The following ADAMTS6 variants were observed in gnomAD, a reference collection of about 807,000 sequenced individuals.
ADAMTS6 encodes the protein A disintegrin and metalloproteinase with thrombospondin motifs 6.
ADAMTS6 carries 23 observed loss-of-function variants against 144.3 expected under a neutral mutation model. The observed-to-expected ratio is 0.16, with a 90% CI of 0.11 to 0.23. The LOEUF (loss-of-function observed/expected upper bound fraction) is 0.23. ADAMTS6 is among the 10% of genes least tolerant of loss of function. ADAMTS6 has a pLI of 1.00. For missense variants in ADAMTS6, 999 were observed against 1,379.6 expected (o/e 0.72, Z 4.37); for synonymous variants, 444 against 457.5 (o/e 0.97, Z 0.38).
rs189247176 is a variant in ADAMTS6 at position 65,224,192 on chromosome 5, A to G, written c.2272+128T>C. On this transcript the variant is annotated intron_variant, in intron 18 of 24. Coordinates refer to ENST00000381055, the MANE Select transcript of ADAMTS6 (RefSeq NM_197941.4). ...ATTGTATATGTGTTCTATAAAACTTAGAGCTTACTTCATTTTAGCATGAAA... is the reference window on the plus strand; with the variant it reads ...ATTGTATATGTGTTCTATAAAACTTGGAGCTTACTTCATTTTAGCATGAAA... 20 of 733,130 alleles carry G rather than the reference A, an allele frequency of 2.7e-5. No homozygotes were observed. The East Asian group carries it at 5.3e-4, about 19-fold the overall frequency. 45.4% of individuals were successfully genotyped at this position (733,130 alleles called of 1,614,324 possible).
At chr5:65,262,454 G>C (rs1375931046) in intron 13 of ADAMTS6, among the ~76,000 whole-genome samples, 5 of 152,128 alleles carry the variant, frequency 3.3e-5, no homozygotes, top group African/African-American at 1.2e-4. Flanking sequence ...CATGTGAAAA[G>C]ACCTTAGGTT....
chr5:65,178,563 T>C (rs887680934), intron 22 of ADAMTS6, among the ~76,000 whole-genome samples: 1 of 152,200 alleles, frequency 6.6e-6, no homozygotes, highest in Non-Finnish European at 1.5e-5. Flanking sequence ...AAATGGCAGC[T>C]GGAGTTTTAA....
At chr5:65,213,674 T>C (rs1756689125) in intron 20 of ADAMTS6, among the ~76,000 whole-genome samples, 1 of 151,394 alleles carries the variant, frequency 6.6e-6, no homozygotes, top group African/African-American at 2.4e-5. Flanking sequence ...AAAATAAAAA[T>C]ACTGAATAGA....
intron 8 of ADAMTS6, among the ~76,000 whole-genome samples, chr5:65,329,910 C>A (rs1249875305): frequency 6.6e-6 from 1 of 150,950 alleles, no homozygotes; most frequent in Non-Finnish European, 1.5e-5. Flanking sequence ...TTTCTAGTTA[C>A]CAAAAAAAGG....
chr5:65,202,987 C>G (rs1755835538), intron 20 of ADAMTS6, among the ~76,000 whole-genome samples: 1 of 152,132 alleles, frequency 6.6e-6, no homozygotes, highest in South Asian at 2.1e-4. Context: ...TTCAATTGTT[C>G]AACATTTTTT....
At chr5:65,355,020 T>G (rs1050957330) in intron 7 of ADAMTS6, among the ~76,000 whole-genome samples, 1 of 151,784 alleles carries the variant, frequency 6.6e-6, no homozygotes, top group African/African-American at 2.4e-5. Flanking sequence ...TCCAAAAACA[T>G]TGGTATTCTT....
At position 65,460,443 on chromosome 5, in the gene ADAMTS6, G is replaced by T. The variant is rs113250837; in HGVS notation, c.463-105C>A. ...TAAATGGACACTTCTCCATTTACAG[G>T]GTTAAAACACGTTAATAAAAAAATT... On this transcript the variant is annotated intron_variant, in intron 3 of 24. Transcript: ENST00000381055. 6.8e-3 allele frequency: 6,991 copies of T among 1,022,166 alleles called. 35 individuals carry two copies. The highest frequency in any genetic ancestry group is 0.01 in the Middle Eastern group (32 of 3,080). The allele number at this position is 1,022,166 out of a possible 1,614,324, so 63.3% of individuals were successfully genotyped here.
At chr5:65,454,576 C>T (rs1190558556) in intron 4 of ADAMTS6, among the ~76,000 whole-genome samples, 2 of 152,244 alleles carry the variant, frequency 1.3e-5, no homozygotes, top group African/African-American at 4.8e-5. Flanking sequence ...TGGGTAGGAC[C>T]TGTGACTTGT....
intron 7 of ADAMTS6, among the ~76,000 whole-genome samples, chr5:65,420,035 T>C (rs1755885847): frequency 6.6e-6 from 1 of 152,178 alleles, no homozygotes; most frequent in Admixed American, 6.5e-5. Flanking sequence ...TCAGCATGGC[T>C]GGGGAGGCCT....
At chr5:65,478,800 G>A (rs1273694415) in intron 1 of ADAMTS6, among the ~76,000 whole-genome samples, 1 of 152,138 alleles carries the variant, frequency 6.6e-6, no homozygotes, top group East Asian at 1.9e-4. Flanking sequence ...ATTTCACTTT[G>A]ATTTCACATA....
At chr5:65,439,441 G>A (rs962648773) in intron 7 of ADAMTS6, among the ~76,000 whole-genome samples, 13 of 151,984 alleles carry the variant, frequency 8.6e-5, no homozygotes, top group African/African-American at 2.7e-4. Flanking sequence ...CTTATGATAC[G>A]AAGTATTTAA....
At chr5:65,181,451 T>G (rs1259577746) in intron 22 of ADAMTS6, among the ~76,000 whole-genome samples, 1 of 152,212 alleles carries the variant, frequency 6.6e-6, no homozygotes, top group Non-Finnish European at 1.5e-5. Context: ...TACTTTACAT[T>G]TCATTAAAGA....
chr5:65,230,325 T>A (rs1466585159), intron 15 of ADAMTS6, among the ~76,000 whole-genome samples: 11 of 132,346 alleles, frequency 8.3e-5, no homozygotes, highest in South Asian at 2.2e-4. Flanking sequence ...ATATATATAA[T>A]ACATTATATA....
intron 20 of ADAMTS6, among the ~76,000 whole-genome samples, chr5:65,213,006 G>T (rs185516670): frequency 6.6e-6 from 1 of 152,136 alleles, no homozygotes. Flanking sequence ...AATTGAATTG[G>T]ATAAAAGATA....
At chr5:65,432,486 C>T (rs867073679) in intron 7 of ADAMTS6, among the ~76,000 whole-genome samples, 2 of 151,974 alleles carry the variant, frequency 1.3e-5, no homozygotes, top group South Asian at 2.1e-4. Flanking sequence ...ATTTTTTCCA[C>T]CCATTTTTCA....
At chr5:65,224,852 G>C (rs1757604622) in intron 17 of ADAMTS6, 72 bp downstream of exon 17, 10 of 1,468,128 alleles carry the variant, frequency 6.8e-6, no homozygotes, top group Non-Finnish European at 9.0e-6. Flanking sequence ...AAAACAGGGG[G>C]AGGCGAAGCG....
At chr5:65,159,672 G>A (rs1368097662) in intron 24 of ADAMTS6, among the ~76,000 whole-genome samples, 1 of 152,198 alleles carries the variant, frequency 6.6e-6, no homozygotes, top group Non-Finnish European at 1.5e-5. Context: ...TGCTCATATT[G>A]TCAAAATTAT....
At chr5:65,306,315 G>A (rs1743935572) in intron 9 of ADAMTS6, among the ~76,000 whole-genome samples, 1 of 152,162 alleles carries the variant, frequency 6.6e-6, no homozygotes, top group Non-Finnish European at 1.5e-5. Flanking sequence ...CTTCATCAAG[G>A]ACACTCTTAA....
intron 9 of ADAMTS6, among the ~76,000 whole-genome samples, chr5:65,320,839 T>C (rs1745544321): frequency 6.6e-6 from 1 of 152,334 alleles, no homozygotes; most frequent in South Asian, 2.1e-4. Flanking sequence ...CTGAGAATAA[T>C]GGCCTCCAGG....
Sources: allele counts gnomAD v4.1 joint callset (sites outside exome capture counted in the v4.1 genomes callset), GRCh38; gene constraint gnomAD v4.1.1; transcripts MANE v1.5; gene names NCBI Gene and HGNC (gene_info 2026-07-23, HGNC 2026-07-21).